The following PRKN variants were observed in gnomAD, a reference collection of about 807,000 sequenced individuals.
PRKN encodes E3 ubiquitin-protein ligase parkin.
In PRKN, 56 loss-of-function variants were observed where a neutral mutation model predicts 59.5. That is an observed-to-expected ratio of 0.94 (90% CI 0.76 to 1.18). The LOEUF (loss-of-function observed/expected upper bound fraction) is 1.18, where lower values mean the gene tolerates loss of function less well. Ranked by LOEUF, PRKN falls within the 50% of genes most tolerant of loss-of-function variation. PRKN has a pLI of 0.00. For synonymous variants in PRKN, 250 were observed against 222.1 expected, an observed-to-expected ratio of 1.13 and a Z score of -1.12; for missense variants, 657 against 596.4, an observed-to-expected ratio of 1.10 and a Z score of -1.06.
chr6:161,874,419 ATAT>A (rs1794560791), intron 6 of PRKN, among the ~76,000 whole-genome samples: 1 of 92,060 alleles, frequency 1.1e-5, no homozygotes, highest in South Asian at 3.6e-4. Flanking sequence ...TATAAAATAT[ATAT>A]TATATGTAAA....
intron 4 of PRKN, among the ~76,000 whole-genome samples, chr6:162,177,033 A>G (rs887242245): frequency 6.6e-6 from 1 of 151,340 alleles, no homozygotes; most frequent in African/African-American, 2.4e-5. Flanking sequence ...CATATATTTT[A>G]CTCACACACA....
At chr6:161,973,595 C>CAACA (rs1583425804) in intron 5 of PRKN, among the ~76,000 whole-genome samples, 178 bp from the exon 6 acceptor site, 1 of 152,244 alleles carries the variant, frequency 6.6e-6, no homozygotes, top group African/African-American at 2.4e-5. Flanking sequence ...CCAAAGTGGT[C>CAACA]AACAATTCTG....
At chr6:162,143,123 T>A (rs1781859657) in intron 4 of PRKN, among the ~76,000 whole-genome samples, 1 of 152,224 alleles carries the variant, frequency 6.6e-6, no homozygotes, top group Non-Finnish European at 1.5e-5. Flanking sequence ...GTCTTGGTGA[T>A]ACATATTTTT....
At chr6:162,477,827 C>A (rs1792098165) in intron 1 of PRKN, among the ~76,000 whole-genome samples, 3 of 152,314 alleles carry the variant, frequency 2.0e-5, no homozygotes, top group South Asian at 4.1e-4. Context: ...AGGAAGCTAA[C>A]CTTGTGGAAG....
intron 1 of PRKN, among the ~76,000 whole-genome samples, chr6:162,689,229 C>T (rs988405433): frequency 2.0e-4 from 31 of 152,162 alleles, no homozygotes; most frequent in Non-Finnish European, 2.9e-5. Flanking sequence ...ACAACAGGGG[C>T]ATTACTCAGA....
intron 2 of PRKN, among the ~76,000 whole-genome samples, chr6:162,320,363 A>AAAAAAAAAAAAAAAAAAAC (rs1782947576): frequency 8.8e-5 from 1 of 11,348 alleles, no homozygotes; most frequent in Non-Finnish European, 3.7e-4. Context: ...ACAAAAAGCC[A>AAAAAAAAAAAAAAAAAAAC]AAAAAAAAAA....
chr6:161,486,595 C>A (rs1184761155), intron 9 of PRKN, among the ~76,000 whole-genome samples: 2 of 152,116 alleles, frequency 1.3e-5, no homozygotes, highest in Admixed American at 1.3e-4. Context: ...TTTAAGCCTG[C>A]GTTCTTTTTG....
chr6:162,346,331 T>C (rs1784402255), intron 2 of PRKN, among the ~76,000 whole-genome samples: 1 of 151,890 alleles, frequency 6.6e-6, no homozygotes, highest in South Asian at 2.1e-4. Flanking sequence ...TTAATGAAAA[T>C]TTGGCTGGGT....
At chr6:162,037,115 C>T (rs567305459) in intron 5 of PRKN, among the ~76,000 whole-genome samples, 1 of 152,274 alleles carries the variant, frequency 6.6e-6, no homozygotes. Context: ...GACTCTAACA[C>T]ATTACATGTA....
intron 9 of PRKN, among the ~76,000 whole-genome samples, chr6:161,511,646 G>A (rs1038612330): frequency 1.3e-5 from 2 of 152,074 alleles, no homozygotes; most frequent in Non-Finnish European, 2.9e-5. Context: ...AGAACACCCA[G>A]CCCTCATGAC....
intron 7 of PRKN, among the ~76,000 whole-genome samples, chr6:161,703,774 T>C (rs1191157570): frequency 1.3e-5 from 2 of 151,220 alleles, no homozygotes; most frequent in South Asian, 2.1e-4. Context: ...TGTATGTGTC[T>C]AGTCAGTTTC....
chr6:161,370,623 G>A (rs13207820), intron 10 of PRKN, among the ~76,000 whole-genome samples: 18,845 of 135,676 alleles, frequency 0.14, 2,493 homozygotes, highest in African/African-American at 0.36. Flanking sequence ...CCGAATTAGC[G>A]CCTAGGAGAC....
chr6:161,946,622 A>C (rs1226874273), intron 6 of PRKN, among the ~76,000 whole-genome samples: 2 of 152,168 alleles, frequency 1.3e-5, no homozygotes, highest in Non-Finnish European at 2.9e-5. Context: ...GAGATCCACC[A>C]AAAAACATAC....
rs1304696185 is a variant in PRKN, at chr6:161,396,157, A to C, written c.1084-9280T>G. On this transcript the variant is annotated intron_variant, in intron 9 of 11. Coordinates refer to ENST00000366898, the MANE Select transcript of PRKN (RefSeq NM_004562.3). This position sits in a 1 kb window ranked among gnomAD's most constrained non-coding sequence, Gnocchi z 5.4. Reference sequence around the variant, plus strand: ...CCGCCTCTTTTCTTACTTTCTCTTTACTGTAACCATTTCTGAAAACAATTC... The same window carrying C: ...CCGCCTCTTTTCTTACTTTCTCTTTCCTGTAACCATTTCTGAAAACAATTC... Among the ~76,000 whole-genome samples the C allele has an allele frequency of 6.6e-6, 1 of 152,000 alleles. No homozygotes were observed. The highest frequency in any genetic ancestry group is 1.9e-4 in the East Asian group (1 of 5,190).
chr6:161,824,483 G>A (rs1466884880), intron 6 of PRKN, among the ~76,000 whole-genome samples: 1 of 152,144 alleles, frequency 6.6e-6, no homozygotes, highest in African/African-American at 2.4e-5. Flanking sequence ...GAAACCTGTA[G>A]AAATAAATAC....
chr6:162,592,506 G>C (rs930266466), intron 1 of PRKN, among the ~76,000 whole-genome samples: 1 of 152,074 alleles, frequency 6.6e-6, no homozygotes, highest in African/African-American at 2.4e-5. Flanking sequence ...GCATTGTGCC[G>C]ATCAGTATTG....
chr6:162,671,888 G>A (rs780859912), intron 1 of PRKN, among the ~76,000 whole-genome samples: 4 of 152,070 alleles, frequency 2.6e-5, no homozygotes, highest in Non-Finnish European at 5.9e-5. Context: ...AGAGAGGGGA[G>A]GTAGGTTGGA....
At chr6:162,365,952 G>C (rs1785415698) in intron 2 of PRKN, among the ~76,000 whole-genome samples, 2 of 152,016 alleles carry the variant, frequency 1.3e-5, no homozygotes, top group Non-Finnish European at 2.9e-5. Flanking sequence ...CTTCAACTTG[G>C]ATTGTAGCAC....
chr6:162,230,518 C>T (rs557112571), intron 3 of PRKN, among the ~76,000 whole-genome samples: 3 of 152,326 alleles, frequency 2.0e-5, no homozygotes, highest in Admixed American at 1.3e-4. Context: ...TTAGTGATTG[C>T]TCTGATCACA....
Sources: gnomAD v4.1 joint callset for allele counts (sites outside exome capture counted in the v4.1 genomes callset) on GRCh38, gnomAD v4.1.1 for gene constraint, Gnocchi (gnomAD v3.1) non-coding constraint, MANE v1.5 for transcripts, NCBI Gene and HGNC (gene_info 2026-07-23, HGNC 2026-07-21) for gene names.